UBE2E2: variants seen among roughly 807,000 people sequenced by gnomAD.
UBE2E2 encodes ubiquitin conjugating enzyme E2 E2, also known as ubiquitin-conjugating enzyme E2 E2.
In UBE2E2, 6 loss-of-function variants were observed where a neutral mutation model predicts 24.7. The observed-to-expected ratio is 0.24, with a 90% CI of 0.13 to 0.48. The LOEUF (loss-of-function observed/expected upper bound fraction) is 0.48. Ranked by LOEUF, UBE2E2 falls within the 20% of genes least tolerant of loss-of-function variation. The pLI is 0.99. For missense variants in UBE2E2, 169 were observed against 245.0 expected, an observed-to-expected ratio of 0.69 and a Z score of 2.07; for synonymous variants, 104 against 83.6, an observed-to-expected ratio of 1.24 and a Z score of -1.33.
At chr3:23,404,101 T>A (rs893213931) in intron 3 of UBE2E2, among the ~76,000 whole-genome samples, 2 of 152,170 alleles carry the variant, frequency 1.3e-5, no homozygotes, top group African/African-American at 4.8e-5. Flanking sequence ...GACTCTTATT[T>A]GACATTGCTT....
intron 5 of UBE2E2, among the ~76,000 whole-genome samples, chr3:23,586,998 G>A (rs1696641939): frequency 1.3e-5 from 2 of 151,758 alleles, no homozygotes; most frequent in East Asian, 1.9e-4. Context: ...ATTTATACAC[G>A]AGATGGTCTT....
At chr3:23,293,278 T>C (rs1698819025) in intron 3 of UBE2E2, among the ~76,000 whole-genome samples, 1 of 152,202 alleles carries the variant, frequency 6.6e-6, no homozygotes, top group Admixed American at 6.5e-5. Context: ...TTGGCGAACT[T>C]CCCAGGTGAT....
At chr3:23,456,255 C>G (rs1417888484) in intron 3 of UBE2E2, among the ~76,000 whole-genome samples, 1 of 152,220 alleles carries the variant, frequency 6.6e-6, no homozygotes, top group Admixed American at 6.5e-5. Flanking sequence ...CCATTGAAAT[C>G]AAACCCCTCA....
intron 4 of UBE2E2, among the ~76,000 whole-genome samples, chr3:23,508,076 G>A (rs1312376704): frequency 6.6e-6 from 1 of 152,168 alleles, no homozygotes; most frequent in Non-Finnish European, 1.5e-5. Context: ...GGCTGTCATA[G>A]GTTTGCTTAC....
intron 3 of UBE2E2, among the ~76,000 whole-genome samples, chr3:23,395,147 C>A: frequency 6.6e-6 from 1 of 152,130 alleles, no homozygotes; most frequent in East Asian, 1.9e-4. Flanking sequence ...TTGAGAACCA[C>A]CTTTATCCCT....
chr3:23,568,006 A>G (rs1009718515), intron 5 of UBE2E2, among the ~76,000 whole-genome samples: 8 of 152,204 alleles, frequency 5.3e-5, no homozygotes, highest in African/African-American at 1.9e-4. Context: ...GCAAGGCCTC[A>G]GCCCAAATCA....
At chr3:23,356,399 G>A (rs1016223783) in intron 3 of UBE2E2, among the ~76,000 whole-genome samples, 1 of 152,198 alleles carries the variant, frequency 6.6e-6, no homozygotes, top group East Asian at 1.9e-4. Flanking sequence ...GTTAGGCAGT[G>A]TTAGGTAAGT....
In UBE2E2 at chr3:23,546,857, A is replaced by T. The variant is rs1575698832; in HGVS notation, c.508+14156A>T. 2.6e-5 allele frequency among the ~76,000 whole-genome samples: 4 copies of T among 152,188 alleles called. No individual in the cohort carries two copies. In the South Asian group the frequency reaches 8.3e-4, roughly 32 times the overall value. Reference sequence around the variant, plus strand: ...ATAAAGATTATAGTGGTGAAAACAGATGATTAATTCTCTCCACTCTAGAGT... The same window carrying T: ...ATAAAGATTATAGTGGTGAAAACAGTTGATTAATTCTCTCCACTCTAGAGT... On this transcript the variant is annotated intron_variant, in intron 5 of 5. Transcript: ENST00000396703.
chr3:23,472,103 A>G (rs1699043210), intron 3 of UBE2E2, among the ~76,000 whole-genome samples: 1 of 152,240 alleles, frequency 6.6e-6, no homozygotes, highest in Non-Finnish European at 1.5e-5. Context: ...AGTTTTTTAC[A>G]TGATATCCGA....
At position 23,590,073 on chromosome 3, in the gene UBE2E2, T is replaced by C. The variant is rs963190849; in HGVS notation, c.*242T>C. 2.4e-6 allele frequency: 1 copy of C among 424,216 alleles called. No individual in the cohort carries two copies. Among genetic ancestry groups the C allele is most frequent in the East Asian group, 3.6e-5 (1 of 27,900 alleles). The allele number at this position is 424,216 out of a possible 1,614,324, so 26.3% of individuals were successfully genotyped here. A position where few individuals can be genotyped will look rare whatever the true frequency, so the allele number is the denominator to read the frequency against. On this transcript the variant is annotated 3_prime_UTR_variant, in exon 6 of 6. Coordinates refer to ENST00000396703, the MANE Select transcript of UBE2E2 (RefSeq NM_152653.4). Reference sequence around the variant, plus strand: ...GTTGATTTCTGTTAACTTGAAAGATTTGGGATTTTTTCCCACCTCATCATA... The same window carrying C: ...GTTGATTTCTGTTAACTTGAAAGATCTGGGATTTTTTCCCACCTCATCATA...
At chr3:23,573,546 C>T (rs1207138412) in intron 5 of UBE2E2, among the ~76,000 whole-genome samples, 2 of 152,018 alleles carry the variant, frequency 1.3e-5, no homozygotes, top group East Asian at 3.9e-4. Flanking sequence ...AATGAACAGC[C>T]TAAGGCAAAG....
intron 3 of UBE2E2, among the ~76,000 whole-genome samples, chr3:23,466,401 C>T (rs1698919634): frequency 6.6e-6 from 1 of 152,028 alleles, no homozygotes; most frequent in Admixed American, 6.6e-5. Context: ...GATCATCCTG[C>T]CTTTGTGGCA....
chr3:23,455,048 A>G (rs1698647733), intron 3 of UBE2E2, among the ~76,000 whole-genome samples: 3 of 118,910 alleles, frequency 2.5e-5, no homozygotes, highest in Admixed American at 7.9e-5. Context: ...TCTCTGCATG[A>G]CAAGAATAGT....
chr3:23,322,216 G>A (rs1320724548), intron 3 of UBE2E2, among the ~76,000 whole-genome samples: 1 of 152,162 alleles, frequency 6.6e-6, no homozygotes, highest in Non-Finnish European at 1.5e-5. Flanking sequence ...ACTTAATAGT[G>A]CATCTCTTTC....
intron 5 of UBE2E2, among the ~76,000 whole-genome samples, chr3:23,576,704 G>A (rs557184894): frequency 6.6e-6 from 1 of 152,178 alleles, no homozygotes; most frequent in Admixed American, 6.5e-5. Context: ...AGGGTAAGAG[G>A]GATACAGAGA....
chr3:23,246,137 TGGGCTCAAGTG>T (rs753345762), intron 3 of UBE2E2, among the ~76,000 whole-genome samples: 1 of 152,020 alleles, frequency 6.6e-6, no homozygotes, highest in South Asian at 2.1e-4. Context: ...CTCCACATCC[TGGGCTCAAGTG>T]GGGCTCAAGT....
intron 3 of UBE2E2, among the ~76,000 whole-genome samples, chr3:23,359,409 T>A (rs1696052672): frequency 6.6e-6 from 1 of 152,238 alleles, no homozygotes; most frequent in African/African-American, 2.4e-5. Context: ...ATGAATGGGC[T>A]AGTGTTAGCT....
intron 4 of UBE2E2, among the ~76,000 whole-genome samples, chr3:23,526,907 T>G (rs951622366): frequency 5.3e-5 from 8 of 152,210 alleles, no homozygotes; most frequent in African/African-American, 1.9e-4. Flanking sequence ...AACTCAAATT[T>G]TATTATTTTT....
rs977049159 is a variant in UBE2E2 at position 23,269,900 on chromosome 3, C to T, written c.227+52588C>T. The stretch of plus-strand genomic sequence containing the variant: ...ATAAGGGAATAACATGTTTCTCAGC[C>T]GTAGCAGCCCCAGGGGCTAAGAATC... On this transcript the variant is annotated intron_variant, in intron 3 of 5. Coordinates refer to ENST00000396703, the MANE Select transcript of UBE2E2 (RefSeq NM_152653.4). 5.3e-5 allele frequency among the ~76,000 whole-genome samples: 8 copies of T among 152,128 alleles called. No individual in the cohort carries two copies. The South Asian group carries it at 8.3e-4, about 16-fold the overall frequency.
Sources: allele counts gnomAD v4.1 joint callset (sites outside exome capture counted in the v4.1 genomes callset), GRCh38; gene constraint gnomAD v4.1.1; transcripts MANE v1.5; gene names NCBI Gene and HGNC (gene_info 2026-07-23, HGNC 2026-07-21).